The following ZFHX3 variants were observed in gnomAD, a reference collection of about 807,000 sequenced individuals.
The protein encoded by ZFHX3 is zinc finger homeobox 3.
ZFHX3 carries 42 observed loss-of-function variants against 279.1 expected under a neutral mutation model. That is an observed-to-expected ratio of 0.15 (90% CI 0.12 to 0.19). ZFHX3 has a LOEUF of 0.19. Ranked by LOEUF, ZFHX3 falls within the 10% of genes least tolerant of loss-of-function variation. The pLI is 1.00. For missense variants in ZFHX3, 4,981 were observed against 4,754.0 expected (o/e 1.05, Z -1.40); for synonymous variants, 2,293 against 1,957.8 (o/e 1.17, Z -4.52).
At chr16:73,569,385 T>C (rs2051711150) in intron 2 of ZFHX3, among the ~76,000 whole-genome samples, 1 of 151,474 alleles carries the variant, frequency 6.6e-6, no homozygotes, top group African/African-American at 2.4e-5. Flanking sequence ...ATGGCTGCTT[T>C]TTTTTTTTTT....
chr16:73,274,832 C>G (rs1277694607), intron 4 of ZFHX3, among the ~76,000 whole-genome samples: 3 of 152,204 alleles, frequency 2.0e-5, no homozygotes, highest in African/African-American at 7.2e-5. Flanking sequence ...TGAACTTTCT[C>G]TACCAAAAGG....
At chr16:73,364,757 G>A (rs539976971) in intron 3 of ZFHX3, among the ~76,000 whole-genome samples, 1 of 152,340 alleles carries the variant, frequency 6.6e-6, no homozygotes, top group Non-Finnish European at 1.5e-5. Flanking sequence ...CTGCGACCGT[G>A]TGGTTCCATC....
intron 9 of ZFHX3, among the ~76,000 whole-genome samples, chr16:72,792,880 C>A (rs2035760470): frequency 6.6e-6 from 1 of 152,210 alleles, no homozygotes; most frequent in South Asian, 2.1e-4. Context: ...AGGACTAACT[C>A]AGGTGTCTTA....
intron 2 of ZFHX3, among the ~76,000 whole-genome samples, chr16:73,478,402 A>C (rs933235363): frequency 2.0e-5 from 3 of 152,140 alleles, no homozygotes; most frequent in Admixed American, 1.3e-4. Context: ...CTTCCCTGCT[A>C]GTTTATTTTA....
intron 4 of ZFHX3, among the ~76,000 whole-genome samples, chr16:73,316,753 C>T (rs950313572): frequency 6.6e-6 from 1 of 152,182 alleles, no homozygotes; most frequent in Non-Finnish European, 1.5e-5. Context: ...TATACTTAGG[C>T]CTTCACATTC....
chr16:73,883,409 G>GTA (rs1247964225), intron 1 of ZFHX3, among the ~76,000 whole-genome samples: 1 of 148,776 alleles, frequency 6.7e-6, no homozygotes, highest in African/African-American at 2.6e-5. Context: ...ATGTGTGTGT[G>GTA]TGTGTGTGTG....
chr16:72,980,569 G>T (rs1006551222), intron 1 of ZFHX3, among the ~76,000 whole-genome samples: 2 of 151,290 alleles, frequency 1.3e-5, no homozygotes, highest in Non-Finnish European at 2.9e-5. Context: ...GACCAGCCCG[G>T]GCAACAAGGT....
chr16:73,759,090 G>A (rs1177177958), intron 1 of ZFHX3, among the ~76,000 whole-genome samples: 1 of 152,172 alleles, frequency 6.6e-6, no homozygotes. Context: ...TTATGACATA[G>A]GTGAGGATGA....
chr16:73,037,847 G>A (rs911940846), intron 1 of ZFHX3, among the ~76,000 whole-genome samples: 3 of 149,164 alleles, frequency 2.0e-5, no homozygotes, highest in African/African-American at 4.9e-5. Context: ...GAGCACCACC[G>A]GTTAAGCTAT....
At chr16:72,975,210 G>A (rs1490365791) in intron 1 of ZFHX3, among the ~76,000 whole-genome samples, 2 of 152,178 alleles carry the variant, frequency 1.3e-5, no homozygotes, top group African/African-American at 4.8e-5. Context: ...GGGAGGCCGA[G>A]GTGGGCGGAT....
chr16:73,501,328 G>A (rs544515578), intron 2 of ZFHX3, among the ~76,000 whole-genome samples: 1 of 152,300 alleles, frequency 6.6e-6, no homozygotes, highest in East Asian at 1.9e-4. Flanking sequence ...AGTGATACAT[G>A]GTTGTACACA....
chr16:73,053,481 G>T (rs1454748764), intron 1 of ZFHX3, among the ~76,000 whole-genome samples: 1 of 152,122 alleles, frequency 6.6e-6, no homozygotes, highest in East Asian at 1.9e-4. Flanking sequence ...TTTTTCGGTG[G>T]GTGGGGGCAT....
At chr16:73,753,602 G>C (rs1242773929) in intron 1 of ZFHX3, among the ~76,000 whole-genome samples, 6 of 152,130 alleles carry the variant, frequency 3.9e-5, no homozygotes, top group Admixed American at 3.3e-4. Flanking sequence ...TATTAGCCCT[G>C]CTCAGCAAGG....
intron 3 of ZFHX3, among the ~76,000 whole-genome samples, chr16:73,439,288 T>C (rs759698286): frequency 7.0e-4 from 107 of 152,258 alleles, no homozygotes; most frequent in Non-Finnish European, 1.0e-3. Flanking sequence ...GTTTGGAATA[T>C]TAAAAGAGCC....
chr16:73,086,767 G>A (rs1025660642), intron 8 of ZFHX3, among the ~76,000 whole-genome samples: 2 of 152,068 alleles, frequency 1.3e-5, no homozygotes, highest in Non-Finnish European at 2.9e-5. Context: ...GCTAGGTGTG[G>A]TGGCATGCAC....
chr16:73,117,988 A>G (rs1233762273), intron 7 of ZFHX3, among the ~76,000 whole-genome samples: 1 of 152,200 alleles, frequency 6.6e-6, no homozygotes, highest in East Asian at 1.9e-4. Flanking sequence ...CATCCAGTCT[A>G]GAGTTGTTTG....
intron 5 of ZFHX3, among the ~76,000 whole-genome samples, chr16:73,229,873 C>A (rs2012718288): frequency 1.3e-5 from 2 of 152,054 alleles, no homozygotes; most frequent in Admixed American, 1.3e-4. Context: ...GAATGTGAAT[C>A]TAGGATTCTG....
chr16:72,830,340 T>C (rs1268175329), intron 4 of ZFHX3, among the ~76,000 whole-genome samples: 6 of 152,226 alleles, frequency 3.9e-5, no homozygotes, highest in African/African-American at 1.2e-4. Context: ...ACAGTGCCTA[T>C]GCATGTGCCA....
Position 72,794,500 on chromosome 16 carries a change from C to A in ZFHX3, c.8182G>T (p.Ala2728Ser), listed in dbSNP as rs1567514241. ...ALFKAKTALE[A>S]HIRSRHWHEA... ...TGCCAGTGACGGGACCGGATATGAG[C>A]CTCAAGAGCAGTCTTGGCTTTGAAG... The change falls in exon 9 of 10, where the codon GCT (alanine) becomes TCT (serine). Residue 2728 changes from alanine to serine, a missense_variant. Around this residue, in one of 7 missense-constraint regions of ZFHX3, gnomAD observed 744 missense variants for 701.3 expected, o/e 1.06. Transcript: ENST00000268489. This position sits in a 1 kb window ranked among gnomAD's most constrained non-coding sequence, Gnocchi z 4.2. 6.2e-7 allele frequency: 1 copy of A among 1,614,212 alleles called. No homozygotes were observed. The highest frequency in any genetic ancestry group is 8.5e-7 in the Non-Finnish European group (1 of 1,180,048).
Sources: gnomAD v4.1 joint callset for allele counts (sites outside exome capture counted in the v4.1 genomes callset) on GRCh38, gnomAD v4.1.1 for gene constraint, gnomAD v4.1.1 regional missense constraint, Gnocchi (gnomAD v3.1) non-coding constraint, MANE v1.5 for transcripts, NCBI Gene and HGNC (gene_info 2026-07-23, HGNC 2026-07-21) for gene names.